CCSER2: variants seen among roughly 807,000 people sequenced by gnomAD.
CCSER2 encodes the protein coiled-coil serine rich protein 2, also known as serine-rich coiled-coil domain-containing protein 2.
Under a neutral mutation model 92.3 loss-of-function variants are expected in CCSER2, and 46 were observed. That is an observed-to-expected ratio of 0.50 (90% CI 0.39 to 0.64). CCSER2 has a LOEUF of 0.64. CCSER2 is among the 30% of genes least tolerant of loss of function. CCSER2 has a pLI of 0.00. For synonymous variants in CCSER2, 433 were observed against 431.4 expected (o/e 1.00, Z -0.04); for missense variants, 1,244 against 1,238.9 (o/e 1.00, Z -0.06).
rs371377690 is a variant in CCSER2, at chr10:84,503,827, G to A, written c.2326-9622G>A. Among the ~76,000 whole-genome samples, 38 of 152,220 alleles carry A rather than the reference G, an allele frequency of 2.5e-4. No individual in the cohort carries two copies. In the East Asian group the frequency reaches 2.5e-3, roughly 10 times the overall value. On this transcript the variant is annotated intron_variant, in intron 9 of 9. Transcript: ENST00000372088. ...TTACATAAATGCATCTATATTTGTC[G>A]TAATAGCCTGACAGTTTCTTGATGT...
At chr10:84,492,266 C>T (rs34784395) in intron 9 of CCSER2, among the ~76,000 whole-genome samples, 1,772 of 148,180 alleles carry the variant, frequency 0.012, 14 homozygotes, top group Non-Finnish European at 0.019. Context: ...GGTGGCAGAA[C>T]GAGACTCTGT....
intron 9 of CCSER2, among the ~76,000 whole-genome samples, chr10:84,493,095 AT>A (rs1171291693): frequency 1.3e-5 from 2 of 152,008 alleles, no homozygotes; most frequent in East Asian, 1.9e-4. Flanking sequence ...GGGCCTGGAG[AT>A]TTCTTTTTTG....
chr10:84,499,998 C>T, intron 9 of CCSER2: 1 of 1,613,598 alleles, frequency 6.2e-7, no homozygotes, highest in Non-Finnish European at 8.5e-7. Flanking sequence ...GCTCTGGCTT[C>T]CCCTTCATGG....
At chr10:84,338,568 A>G (rs7916364) in intron 1 of CCSER2, among the ~76,000 whole-genome samples, 22,679 of 152,148 alleles carry the variant, frequency 0.15, 4,986 homozygotes, top group African/African-American at 0.49. Flanking sequence ...GTCCATCATC[A>G]TCATCATGAT....
At chr10:84,330,334 T>C (rs895592057) in intron 1 of CCSER2, among the ~76,000 whole-genome samples, 3 of 152,258 alleles carry the variant, frequency 2.0e-5, no homozygotes, top group African/African-American at 7.2e-5. Flanking sequence ...GTGTTCTTTG[T>C]TGAGAATTCT....
At chr10:84,464,045 T>G in intron 7 of CCSER2, 29 bp downstream of exon 7, 1 of 1,247,012 alleles carries the variant, frequency 8.0e-7, no homozygotes, top group Non-Finnish European at 1.1e-6. Context: ...GCTGGATTTT[T>G]CAAAATTCTT....
intron 9 of CCSER2, among the ~76,000 whole-genome samples, chr10:84,497,833 G>A (rs1304367696): frequency 2.0e-5 from 3 of 152,102 alleles, no homozygotes; most frequent in African/African-American, 4.8e-5. Context: ...TATAAATAGA[G>A]TTACAAAATT....
At chr10:84,462,814 T>C (rs1259190847) in intron 6 of CCSER2, among the ~76,000 whole-genome samples, 1 of 152,164 alleles carries the variant, frequency 6.6e-6, no homozygotes, top group Non-Finnish European at 1.5e-5. Context: ...GTACAATAAA[T>C]TAAGAAGAAA....
At chr10:84,454,749 A>G (rs1845502870) in intron 6 of CCSER2, 1 of 168,432 alleles carries the variant, frequency 5.9e-6, no homozygotes, top group African/African-American at 2.4e-5. Flanking sequence ...TTTGGTTCAT[A>G]TCATTATCTC....
rs547887979 is a variant in CCSER2 at position 84,451,433 on chromosome 10, G to A, written c.2065-12500G>A. Among the ~76,000 whole-genome samples the A allele has an allele frequency of 2.1e-4, 32 of 152,082 alleles. 1 individual carries two copies. In the South Asian group the frequency reaches 6.2e-3, roughly 30 times the overall value. ...GTAGCTGGGACTACAGGCACGTGCC[G>A]TTGCGTCCACCTGCATATAGAAAGA... On this transcript the variant is annotated intron_variant, in intron 6 of 9. Coordinates refer to ENST00000372088, the MANE Select transcript of CCSER2 (RefSeq NM_001284240.2).
intron 3 of CCSER2, chr10:84,391,904 A>C (rs528576944): frequency 3.7e-5 from 50 of 1,354,978 alleles, no homozygotes; most frequent in Non-Finnish European, 5.2e-5. Context: ...TCATGGATTA[A>C]CCCAAAAGAT....
At chr10:84,401,841 A>T (rs569557107) in intron 3 of CCSER2, among the ~76,000 whole-genome samples, 70 of 152,200 alleles carry the variant, frequency 4.6e-4, no homozygotes, top group African/African-American at 1.6e-3. Flanking sequence ...CTAGTGCCAG[A>T]GGCAGAGGCA....
At chr10:84,458,990 T>C (rs1413465582) in intron 6 of CCSER2, among the ~76,000 whole-genome samples, 1 of 152,118 alleles carries the variant, frequency 6.6e-6, no homozygotes, top group Non-Finnish European at 1.5e-5. Context: ...TTTTGCTAAA[T>C]TCATGTACTA....
chr10:84,412,564 G>A (rs1336405364), intron 3 of CCSER2, among the ~76,000 whole-genome samples: 1 of 152,112 alleles, frequency 6.6e-6, no homozygotes, highest in Non-Finnish European at 1.5e-5. Flanking sequence ...GCAGGTCGTG[G>A]GGGGACGAAG....
chr10:84,502,751 G>A (rs563829761), intron 9 of CCSER2, among the ~76,000 whole-genome samples: 1 of 152,150 alleles, frequency 6.6e-6, no homozygotes, highest in Non-Finnish European at 1.5e-5. Context: ...GCTTGGCTGT[G>A]AGTCTTCAGT....
intron 1 of CCSER2, among the ~76,000 whole-genome samples, chr10:84,346,699 G>T (rs373214658): frequency 3.3e-5 from 5 of 151,660 alleles, no homozygotes; most frequent in African/African-American, 1.2e-4. Context: ...GAGAGCACAT[G>T]CTACTTCATG....
intron 6 of CCSER2, among the ~76,000 whole-genome samples, chr10:84,441,740 T>TG (rs1564667545): frequency 1.6e-4 from 2 of 12,680 alleles, no homozygotes; most frequent in Non-Finnish European, 3.0e-4. Context: ...GAAAATGTTT[T>TG]TTTTTTTTTT....
intron 8 of CCSER2, 65 bp from the exon 9 acceptor site, chr10:84,477,510 T>C (rs931519316): frequency 1.3e-6 from 1 of 785,072 alleles, no homozygotes; most frequent in South Asian, 1.7e-5. Context: ...CTAAAGTTTC[T>C]CTTGTGTGTC....
intron 6 of CCSER2, among the ~76,000 whole-genome samples, chr10:84,451,005 G>A (rs2133584187): frequency 6.6e-6 from 1 of 152,138 alleles, no homozygotes; most frequent in Admixed American, 6.5e-5. Flanking sequence ...TACAGTTTCA[G>A]CCAAAATCAT....
Sources: gnomAD v4.1 joint callset for allele counts (sites outside exome capture counted in the v4.1 genomes callset) on GRCh38, gnomAD v4.1.1 for gene constraint, MANE v1.5 for transcripts, NCBI Gene and HGNC (gene_info 2026-07-23, HGNC 2026-07-21) for gene names.